The following PTGS1 variants were observed in gnomAD, a reference collection of about 807,000 sequenced individuals.
PTGS1 encodes the protein prostaglandin G/H synthase 1.
PTGS1 carries 40 observed loss-of-function variants against 63.0 expected under a neutral mutation model. That is an observed-to-expected ratio of 0.63 (90% CI 0.49 to 0.83). PTGS1 has a LOEUF of 0.83. Among genes scored for constraint, PTGS1 ranks in the 40% least tolerant of loss-of-function variants. The pLI, the probability that PTGS1 is intolerant of heterozygous loss-of-function variation, is 0.00. For missense variants in PTGS1, 709 were observed against 786.5 expected, an observed-to-expected ratio of 0.90 and a Z score of 1.18; for synonymous variants, 298 against 301.9, an observed-to-expected ratio of 0.99 and a Z score of 0.13.
chr9:122,373,476 G>A (rs1054745101), intron 2 of PTGS1, among the ~76,000 whole-genome samples: 4 of 152,194 alleles, frequency 2.6e-5, no homozygotes, highest in South Asian at 2.1e-4. Context: ...TCTGGTGGGT[G>A]AGGAGATGGA....
rs751654725 is a variant in PTGS1 at position 122,377,987 on chromosome 9, G to A, written c.183G>A (p.Thr61=). The A allele has an allele frequency of 6.8e-6, 11 of 1,613,372 alleles. No homozygotes were observed. Among genetic ancestry groups the A allele is most frequent in the East Asian group, 2.2e-5 (1 of 44,890 alleles). ...LDRYQCDCTR[T]GYSGPNCTIP... Reference sequence around the variant, plus strand: ...GCTACCAGTGTGACTGCACCCGCACGGGCTATTCCGGCCCCAACTGCACCA... The same window carrying A: ...GCTACCAGTGTGACTGCACCCGCACAGGCTATTCCGGCCCCAACTGCACCA... The change falls in exon 3 of 11, where the codon ACG becomes ACA. Residue 61 remains threonine (T), a synonymous_variant. Transcript: ENST00000362012.
At chr9:122,380,466 AAAATAAATAAATAAAT>A (rs59514121) in intron 5 of PTGS1, among the ~76,000 whole-genome samples, 2,272 of 145,868 alleles carry the variant, frequency 0.016, 34 homozygotes, top group Non-Finnish European at 0.025. Context: ...CCCTGTCTCA[AAAATAAATAAATAAAT>A]AAATAAATAA....
intron 7 of PTGS1, among the ~76,000 whole-genome samples, chr9:122,382,961 G>A (rs963670297): frequency 6.6e-6 from 1 of 152,150 alleles, no homozygotes; most frequent in Non-Finnish European, 1.5e-5. Flanking sequence ...CAGGTAGAGG[G>A]TTTAGCAAGT....
chr9:122,377,883 C>T lies in PTGS1; in HGVS notation c.95-16C>T. On this transcript the variant is annotated splice_polypyrimidine_tract_variant and intron_variant, in intron 2 of 10. Transcript: ENST00000362012. ...CCACCCTAGCATGGTCTCTGACCTC[C>T]ATTTCTCACCCACAGTGAATCCCTG... 1 of 1,611,112 alleles carries T rather than the reference C, an allele frequency of 6.2e-7. No homozygotes were observed. The highest frequency in any genetic ancestry group is 8.5e-7 in the Non-Finnish European group (1 of 1,177,424).
At chr9:122,373,596 G>T (rs1214944154) in intron 2 of PTGS1, among the ~76,000 whole-genome samples, 1 of 152,252 alleles carries the variant, frequency 6.6e-6, no homozygotes, top group Admixed American at 6.5e-5. Flanking sequence ...GATAGGGCAT[G>T]ACCTGGCAAC....
At position 122,381,679 on chromosome 9, in the gene PTGS1, A is replaced by G. The variant is rs1196657420; in HGVS notation, c.694A>G (p.Ile232Val). ...CTGTCCACAGGTAGACCTCGGCCAC[A>G]TTTATGGAGACAATCTGGAGCGTCA... ...ALGHGVDLGHIYGDNLERQYQ... is the reference protein window; with the variant it reads ...ALGHGVDLGHVYGDNLERQYQ... The change falls in exon 7 of 11, where the codon ATT becomes GTT. Residue 232 changes from isoleucine to valine, a missense_variant. Physicochemically the swap from Ile to Val is conservative, Grantham distance 29 (BLOSUM62 3). Coordinates refer to ENST00000362012, the MANE Select transcript of PTGS1 (RefSeq NM_000962.4). The G allele has an allele frequency of 1.9e-6, 3 of 1,614,184 alleles. No homozygotes were observed. The highest frequency in any genetic ancestry group is 2.5e-6 in the Non-Finnish European group (3 of 1,180,034).
chr9:122,392,373 C>T lies in PTGS1; in HGVS notation c.1629C>T (p.Tyr543=), dbSNP rs139976672. The T allele has an allele frequency of 1.5e-5, 25 of 1,614,028 alleles. No homozygotes were observed. In the African/African-American group the frequency reaches 2.1e-4, roughly 14 times the overall value. Residue 543 remains tyrosine, a synonymous_variant, in exon 11 of 11, where the codon TAC becomes TAT. Coordinates refer to ENST00000362012, the MANE Select transcript of PTGS1 (RefSeq NM_000962.4). ...LLGNPICSPE[Y]WKPSTFGGEV... ...GGAATCCCATCTGTTCTCCGGAGTACTGGAAGCCGAGCACATTTGGCGGCG... is the reference window on the plus strand; with the variant it reads ...GGAATCCCATCTGTTCTCCGGAGTATTGGAAGCCGAGCACATTTGGCGGCG...
intron 2 of PTGS1, among the ~76,000 whole-genome samples, chr9:122,373,439 G>A (rs914067561): frequency 4.6e-5 from 7 of 152,316 alleles, no homozygotes; most frequent in South Asian, 4.1e-4. Context: ...GAGGGCAGGC[G>A]GAGGGAGAGA....
chr9:122,392,488 C>T lies in PTGS1; in HGVS notation c.1744C>T (p.Pro582Ser), dbSNP rs920517405. The T allele has an allele frequency of 1.2e-6, 2 of 1,613,978 alleles. No individual in the cohort carries two copies. The highest frequency in any genetic ancestry group is 1.3e-5 in the African/African-American group (1 of 74,888). ...KTCPYVSFRV[P>S]DASQDDGPAV... Reference sequence around the variant, plus strand: ...CTGTCCCTACGTTTCCTTCCGTGTGCCGGATGCCAGTCAGGATGATGGGCC... The same window carrying T: ...CTGTCCCTACGTTTCCTTCCGTGTGTCGGATGCCAGTCAGGATGATGGGCC... The change falls in exon 11 of 11, where the codon CCG (proline) becomes TCG (serine). Residue 582 changes from proline (P) to serine (S), a missense_variant. Pro to Ser is a moderately conservative substitution (Grantham distance 74). Transcript: ENST00000362012.
At chr9:122,377,582 G>T (rs1293237043) in intron 2 of PTGS1, among the ~76,000 whole-genome samples, 1 of 151,888 alleles carries the variant, frequency 6.6e-6, no homozygotes, top group Non-Finnish European at 1.5e-5. Flanking sequence ...TTAACTTTCA[G>T]TGTCACAGCC....
intron 9 of PTGS1, among the ~76,000 whole-genome samples, chr9:122,389,781 C>A (rs1307840209): frequency 6.6e-6 from 1 of 151,908 alleles, no homozygotes; most frequent in Admixed American, 6.6e-5. Context: ...ATAGTGAGAC[C>A]TCACCTCTAC....
intron 8 of PTGS1, among the ~76,000 whole-genome samples, chr9:122,385,142 G>A (rs1457320172): frequency 1.3e-5 from 2 of 152,132 alleles, no homozygotes; most frequent in Admixed American, 1.3e-4. Context: ...ATTTTTAGTA[G>A]AGACAGGGTT....
chr9:122,385,058 A>G (rs1837794559), intron 8 of PTGS1, among the ~76,000 whole-genome samples: 1 of 152,046 alleles, frequency 6.6e-6, no homozygotes, highest in South Asian at 2.1e-4. Context: ...CCCGGGTTCG[A>G]GCAATTCTCG....
chr9:122,386,404 A>T (rs748398151), intron 8 of PTGS1, 42 bp from the exon 9 acceptor site: 12 of 1,597,190 alleles, frequency 7.5e-6, no homozygotes, highest in Admixed American at 6.7e-5. Context: ...CATCTAAATC[A>T]CTGTGCTTGG....
rs1008935278 is a variant in PTGS1 at position 122,371,606 on chromosome 9, C to G, written c.94+334C>G. On this transcript the variant is annotated intron_variant, in intron 2 of 10. Coordinates refer to ENST00000362012, the MANE Select transcript of PTGS1 (RefSeq NM_000962.4). ...TCTGCACCCAACAACCCCGCTGTTT[C>G]CTATAGGGGCCTCTTTGGGAGGAAG... 2.8e-6 allele frequency: 4 copies of G among 1,430,402 alleles called. No homozygotes were observed. The African/African-American group carries it at 5.7e-5, about 21-fold the overall frequency. The allele number at this position is 1,430,402 out of a possible 1,614,324, so 88.6% of individuals were successfully genotyped here. A position where few individuals can be genotyped will look rare whatever the true frequency, so the allele number is the denominator to read the frequency against.
At chr9:122,377,713 G>A (rs1049246718) in intron 2 of PTGS1, among the ~76,000 whole-genome samples, 186 bp from the exon 3 acceptor site, 2 of 152,200 alleles carry the variant, frequency 1.3e-5, no homozygotes, top group South Asian at 2.1e-4. Context: ...AGGATGGGTG[G>A]TTTATGTTCA....
intron 10 of PTGS1, 140 bp downstream of exon 10, chr9:122,390,485 G>T (rs780497382): frequency 1.2e-4 from 124 of 1,040,198 alleles, no homozygotes; most frequent in Non-Finnish European, 1.6e-4. Context: ...GAAGTGCTGT[G>T]CCAGGGTGGT....
At position 122,394,781 on chromosome 9, in the gene PTGS1, T is replaced by C. The variant is rs201488549; in HGVS notation, c.*2237T>C. 5 of 152,334 alleles carry C rather than the reference T, an allele frequency of 3.3e-5. No homozygotes were observed. The highest frequency in any genetic ancestry group is 1.2e-4 in the African/African-American group (5 of 41,564). The allele number at this position is 152,334 out of a possible 1,614,324, so 9.4% of individuals were successfully genotyped here. On this transcript the variant is annotated 3_prime_UTR_variant, in exon 11 of 11. Coordinates refer to ENST00000362012, the MANE Select transcript of PTGS1 (RefSeq NM_000962.4). Reference sequence around the variant, plus strand: ...TGGCTCTGACAAGATGGTCCATTTGTTCCTGCTTCCGAGATCCCCAGGGCA... The same window carrying C: ...TGGCTCTGACAAGATGGTCCATTTGCTCCTGCTTCCGAGATCCCCAGGGCA...
chr9:122,391,362 TATATATATAC>T (rs1231502592), intron 10 of PTGS1, among the ~76,000 whole-genome samples: 16 of 89,014 alleles, frequency 1.8e-4, no homozygotes, highest in Middle Eastern at 5.2e-3. Flanking sequence ...TATATACATA[TATATATATAC>T]ATATATATAT....
Sources: gnomAD v4.1 joint callset for allele counts (sites outside exome capture counted in the v4.1 genomes callset) on GRCh38, gnomAD v4.1.1 for gene constraint, MANE v1.5 for transcripts, NCBI Gene and HGNC (gene_info 2026-07-23, HGNC 2026-07-21) for gene names.